The following CACNA2D3 variants were observed in gnomAD, a reference collection of about 807,000 sequenced individuals.
CACNA2D3 encodes the protein voltage-dependent calcium channel subunit alpha-2/delta-3.
Under a neutral mutation model 160.6 loss-of-function variants are expected in CACNA2D3, and 60 were observed. The observed-to-expected ratio is 0.37, with a 90% CI of 0.30 to 0.46. The LOEUF (loss-of-function observed/expected upper bound fraction) is 0.46. Among genes scored for constraint, CACNA2D3 ranks in the 20% least tolerant of loss-of-function variants. The pLI, the probability that CACNA2D3 is intolerant of heterozygous loss-of-function variation, is 1.00. For missense variants in CACNA2D3, 1,205 were observed against 1,365.0 expected (o/e 0.88, Z 1.85); for synonymous variants, 558 against 492.9 (o/e 1.13, Z -1.75).
At chr3:54,694,821 G>T (rs1168090075) in intron 11 of CACNA2D3, among the ~76,000 whole-genome samples, 1 of 151,908 alleles carries the variant, frequency 6.6e-6, no homozygotes, top group African/African-American at 2.4e-5. Context: ...TTTATTCTGA[G>T]AAATAATAGA....
intron 4 of CACNA2D3, among the ~76,000 whole-genome samples, chr3:54,488,874 G>A (rs1162624278): frequency 2.0e-5 from 3 of 152,122 alleles, no homozygotes. Context: ...GGCTCGTGAG[G>A]CTCCAAGATC....
At chr3:54,164,984 C>T (rs1700423040) in intron 2 of CACNA2D3, among the ~76,000 whole-genome samples, 1 of 152,202 alleles carries the variant, frequency 6.6e-6, no homozygotes, top group Admixed American at 6.5e-5. Context: ...TTTCTGCCAC[C>T]TCTGTTACTG....
intron 2 of CACNA2D3, among the ~76,000 whole-genome samples, chr3:54,148,007 A>T (rs930055957): frequency 1.3e-5 from 2 of 152,192 alleles, no homozygotes; most frequent in African/African-American, 4.8e-5. Context: ...GGGTTTCACC[A>T]TGCTGGCCAG....
chr3:54,447,091 G>A (rs927286281), intron 4 of CACNA2D3, among the ~76,000 whole-genome samples: 1 of 152,172 alleles, frequency 6.6e-6, no homozygotes, highest in Non-Finnish European at 1.5e-5. Flanking sequence ...GGCGTTATGA[G>A]CTCAGCTTCC....
chr3:54,354,182 C>T (rs1216170387), intron 3 of CACNA2D3, among the ~76,000 whole-genome samples: 5 of 152,094 alleles, frequency 3.3e-5, no homozygotes, highest in African/African-American at 7.2e-5. Context: ...AATTTGGAAG[C>T]GGAGGAATTT....
chr3:55,019,673 GACTTTTTGC>G (rs1390108730), intron 35 of CACNA2D3, among the ~76,000 whole-genome samples: 2 of 152,022 alleles, frequency 1.3e-5, no homozygotes, highest in African/African-American at 4.8e-5. Context: ...GATGCTCTTG[GACTTTTTGC>G]ATGGACAGTA....
chr3:54,841,151 T>C (rs1698811009), intron 16 of CACNA2D3, among the ~76,000 whole-genome samples: 1 of 152,238 alleles, frequency 6.6e-6, no homozygotes, highest in Non-Finnish European at 1.5e-5. Flanking sequence ...TTGAACTTCT[T>C]ACTATGTGGT....
chr3:54,422,871 A>G (rs1699859659), intron 4 of CACNA2D3, among the ~76,000 whole-genome samples: 1 of 152,176 alleles, frequency 6.6e-6, no homozygotes, highest in Non-Finnish European at 1.5e-5. Flanking sequence ...GTGTTGTTTG[A>G]TTTAGCAAAA....
intron 13 of CACNA2D3, among the ~76,000 whole-genome samples, chr3:54,781,502 G>C (rs1319560519): frequency 6.6e-6 from 1 of 152,220 alleles, no homozygotes; most frequent in Non-Finnish European, 1.5e-5. Flanking sequence ...TGCAGAACCA[G>C]ATGTAAAGTT....
chr3:55,021,715 G>GTATATA (rs369889600), intron 35 of CACNA2D3, among the ~76,000 whole-genome samples: 1,728 of 141,386 alleles, frequency 0.012, 31 homozygotes, highest in African/African-American at 0.043. Context: ...ATATGTGTGT[G>GTATATA]TATATATATA....
At chr3:54,624,039 G>C (rs1406101881) in intron 9 of CACNA2D3, among the ~76,000 whole-genome samples, 1 of 152,118 alleles carries the variant, frequency 6.6e-6, no homozygotes, top group Non-Finnish European at 1.5e-5. Context: ...GGACATGAGA[G>C]AGAGAGAGGA....
intron 6 of CACNA2D3, among the ~76,000 whole-genome samples, 181 bp downstream of exon 6, chr3:54,563,112 G>A (rs746575243): frequency 2.0e-5 from 3 of 152,074 alleles, no homozygotes; most frequent in South Asian, 2.1e-4. Context: ...AGATGGGCAC[G>A]CACACACACA....
intron 5 of CACNA2D3, among the ~76,000 whole-genome samples, chr3:54,526,410 T>C (rs1055129345): frequency 6.6e-6 from 1 of 152,338 alleles, no homozygotes; most frequent in African/African-American, 2.4e-5. Context: ...TGTCTTGTAA[T>C]TTTTATTAGA....
At chr3:54,809,326 T>TCTTCCCCTCCCTCCCTTCCTTTGTTCC (rs1559590283) in intron 13 of CACNA2D3, among the ~76,000 whole-genome samples, 2 of 120,096 alleles carry the variant, frequency 1.7e-5, no homozygotes, top group Admixed American at 8.3e-5. Context: ...TTTTTTTTTT[T>TCTTCCCCTCCCTCCCTTCCTTTGTTCC]TTTGAGACGG....
At chr3:54,252,142 C>G (rs904728978) in intron 2 of CACNA2D3, among the ~76,000 whole-genome samples, 1 of 132,440 alleles carries the variant, frequency 7.6e-6, no homozygotes, top group Non-Finnish European at 1.5e-5. Context: ...TCTCCCATTC[C>G]CTTTGTACTG....
chr3:54,538,218 G>C (rs1175539162), intron 5 of CACNA2D3, among the ~76,000 whole-genome samples: 1 of 152,122 alleles, frequency 6.6e-6, no homozygotes, highest in African/African-American at 2.4e-5. Flanking sequence ...CCCCAAGGTT[G>C]CTTGACTGAG....
At chr3:54,922,836 CTT>C (rs930211589) in intron 27 of CACNA2D3, among the ~76,000 whole-genome samples, 2 of 152,166 alleles carry the variant, frequency 1.3e-5, no homozygotes, top group African/African-American at 4.8e-5. Flanking sequence ...CCAGTCCCCT[CTT>C]TGCCCCTTGT....
intron 2 of CACNA2D3, among the ~76,000 whole-genome samples, chr3:54,201,197 A>G (rs1050735149): frequency 2.6e-5 from 4 of 152,270 alleles, no homozygotes; most frequent in African/African-American, 9.6e-5. Context: ...TAAACCACAT[A>G]TATCATTGGA....
At chr3:54,738,543 G>A (rs1701577277) in intron 11 of CACNA2D3, among the ~76,000 whole-genome samples, 2 of 152,162 alleles carry the variant, frequency 1.3e-5, no homozygotes, top group South Asian at 2.1e-4. Context: ...AAAACTATGA[G>A]GGTAAGGAAA....
Sources: gnomAD v4.1 joint callset for allele counts (sites outside exome capture counted in the v4.1 genomes callset) on GRCh38, gnomAD v4.1.1 for gene constraint, MANE v1.5 for transcripts, NCBI Gene and HGNC (gene_info 2026-07-23, HGNC 2026-07-21) for gene names.